The following CUL5 variants were observed in gnomAD, a reference collection of about 807,000 sequenced individuals.
CUL5 encodes the protein cullin 5.
In CUL5, 26 loss-of-function variants were observed where a neutral mutation model predicts 108.8. The observed-to-expected ratio is 0.24, with a 90% CI of 0.18 to 0.33. CUL5 has a LOEUF of 0.33. Ranked by LOEUF, CUL5 falls within the 10% of genes least tolerant of loss-of-function variation. CUL5 has a pLI of 1.00. For missense variants in CUL5, 524 were observed against 909.2 expected, an observed-to-expected ratio of 0.58 and a Z score of 5.45; for synonymous variants, 334 against 298.0, an observed-to-expected ratio of 1.12 and a Z score of -1.25.
At chr11:108,059,279 T>C (rs1214596920) in intron 7 of CUL5, among the ~76,000 whole-genome samples, 1 of 152,218 alleles carries the variant, frequency 6.6e-6, no homozygotes, top group African/African-American at 2.4e-5. Context: ...GTATTTATTA[T>C]ATACCCACAG....
At chr11:108,084,451 C>G (rs1488833407) in intron 11 of CUL5, among the ~76,000 whole-genome samples, 1 of 152,108 alleles carries the variant, frequency 6.6e-6, no homozygotes, top group Non-Finnish European at 1.5e-5. Flanking sequence ...GTAACAAAAC[C>G]CATTGGACAC....
chr11:108,062,788 A>G (rs1863573249), intron 7 of CUL5, among the ~76,000 whole-genome samples: 1 of 152,042 alleles, frequency 6.6e-6, no homozygotes, highest in African/African-American at 2.4e-5. Flanking sequence ...TTTTTACTGT[A>G]GTCACCCTGT....
At chr11:108,082,470 T>C (rs1434609476) in intron 11 of CUL5, among the ~76,000 whole-genome samples, 2 of 152,096 alleles carry the variant, frequency 1.3e-5, no homozygotes, top group East Asian at 3.9e-4. Context: ...AGAGACAGTC[T>C]CTCACTGTGT....
intron 10 of CUL5, among the ~76,000 whole-genome samples, chr11:108,076,081 A>T (rs530876184): frequency 2.4e-4 from 36 of 152,132 alleles, no homozygotes; most frequent in Admixed American, 1.6e-3. Flanking sequence ...CAGGCTGGAG[A>T]GAGTGCAGTG....
chr11:108,033,894 G>A lies in CUL5; in HGVS notation c.117G>A (p.Gln39=). 6.2e-7 allele frequency: 1 copy of A among 1,610,182 alleles called. No homozygotes were observed. Among genetic ancestry groups the A allele is most frequent in the African/African-American group, 1.3e-5 (1 of 74,870 alleles). The change falls in exon 2 of 19, where the codon CAG becomes CAA. Residue 39 remains glutamine (Q), a synonymous_variant. Coordinates refer to ENST00000393094, the MANE Select transcript of CUL5 (RefSeq NM_003478.6). ...GCCAGGAATCTGTTACAAAACAGCA[G>A]TGGTTTGATCTGTTTTCGTAAGTAC... is the stretch of plus-strand genomic sequence containing the variant. ...LLRQESVTKQ[Q]WFDLFSDVHA... is the part of the protein sequence containing the mutation.
intron 7 of CUL5, among the ~76,000 whole-genome samples, chr11:108,068,621 C>T (rs1863748843): frequency 6.6e-6 from 1 of 152,140 alleles, no homozygotes; most frequent in African/African-American, 2.4e-5. Context: ...AATTGCCTCC[C>T]TTAATTTACA....
At chr11:108,089,216 T>G (rs1267309698) in intron 12 of CUL5, among the ~76,000 whole-genome samples, 1 of 151,880 alleles carries the variant, frequency 6.6e-6, no homozygotes, top group East Asian at 1.9e-4. Flanking sequence ...GGGACATTGA[T>G]TTTTTTCATG....
chr11:108,032,838 A>G (rs1309289453), intron 1 of CUL5, among the ~76,000 whole-genome samples: 2 of 151,990 alleles, frequency 1.3e-5, no homozygotes, highest in Non-Finnish European at 2.9e-5. Flanking sequence ...TTATAAAAGG[A>G]GATGAGTATT....
chr11:108,105,091 T>C lies in CUL5; in HGVS notation c.*707T>C, dbSNP rs1198077676. On this transcript the variant is annotated 3_prime_UTR_variant, in exon 19 of 19. Coordinates refer to ENST00000393094, the MANE Select transcript of CUL5 (RefSeq NM_003478.6). Reference sequence around the variant, plus strand: ...GAGTTTTTTTTTTTTTAAATATGGCTGGAAAGCTTGTTTTGAAAAATGAAG... The same window carrying C: ...GAGTTTTTTTTTTTTTAAATATGGCCGGAAAGCTTGTTTTGAAAAATGAAG... 1 of 152,252 alleles carries C rather than the reference T, an allele frequency of 6.6e-6. No homozygotes were observed. Among genetic ancestry groups the C allele is most frequent in the East Asian group, 1.9e-4 (1 of 5,194 alleles). 9.4% of individuals were successfully genotyped at this position (152,252 alleles called of 1,614,324 possible).
chr11:108,067,052 T>C (rs1320510830), intron 7 of CUL5, among the ~76,000 whole-genome samples: 4 of 152,204 alleles, frequency 2.6e-5, no homozygotes, highest in Non-Finnish European at 5.9e-5. Flanking sequence ...TGGAGATACA[T>C]ACCTGGCCTC....
intron 7 of CUL5, 96 bp downstream of exon 7, chr11:108,055,051 C>A: frequency 1.1e-6 from 1 of 896,318 alleles, no homozygotes; most frequent in Non-Finnish European, 1.7e-6. Flanking sequence ...TATTTAACAA[C>A]CAACATTGTT....
chr11:108,028,795 G>T (rs1235857500), intron 1 of CUL5, among the ~76,000 whole-genome samples: 1 of 152,068 alleles, frequency 6.6e-6, no homozygotes, highest in Non-Finnish European at 1.5e-5. Context: ...TTGTACTCCA[G>T]CCTGGGCAGT....
intron 7 of CUL5, among the ~76,000 whole-genome samples, chr11:108,055,504 T>C (rs1454874676): frequency 6.6e-6 from 1 of 152,072 alleles, no homozygotes; most frequent in Non-Finnish European, 1.5e-5. Flanking sequence ...TAGGGTGGAG[T>C]GCAGTGGTGC....
chr11:108,046,042 G>A (rs986504382), intron 2 of CUL5, among the ~76,000 whole-genome samples: 1 of 152,110 alleles, frequency 6.6e-6, no homozygotes, highest in Non-Finnish European at 1.5e-5. Flanking sequence ...ATTTTATGTG[G>A]TAAGTAGCAG....
intron 8 of CUL5, 111 bp from the exon 9 acceptor site, chr11:108,072,221 A>G (rs1051291765): frequency 1.2e-6 from 1 of 856,506 alleles, no homozygotes; most frequent in African/African-American, 1.7e-5. Context: ...AACTACTCCT[A>G]ATGGCATTGT....
intron 2 of CUL5, among the ~76,000 whole-genome samples, chr11:108,045,340 C>G (rs1399752811): frequency 6.6e-6 from 1 of 152,122 alleles, no homozygotes; most frequent in Non-Finnish European, 1.5e-5. Flanking sequence ...GCCCACAATC[C>G]CACCATTTTG....
intron 18 of CUL5, among the ~76,000 whole-genome samples, chr11:108,102,931 G>A (rs1023213301): frequency 6.6e-6 from 1 of 151,450 alleles, no homozygotes; most frequent in South Asian, 2.1e-4. Flanking sequence ...GAATAGCGGG[G>A]ACCACAGACA....
chr11:108,043,680 A>C (rs546847683), intron 2 of CUL5, among the ~76,000 whole-genome samples: 3 of 152,304 alleles, frequency 2.0e-5, no homozygotes, highest in Non-Finnish European at 2.9e-5. Flanking sequence ...CCATCTGTAA[A>C]ATAAGGATAA....
chr11:108,054,925 A>G lies in CUL5; in HGVS notation c.750A>G (p.Glu250=), dbSNP rs1863335351. 1 of 1,608,716 alleles carries G rather than the reference A, an allele frequency of 6.2e-7. No individual in the cohort carries two copies. The highest frequency in any genetic ancestry group is 1.7e-5 in the Admixed American group (1 of 58,468). Residue 250 remains glutamate (E), a synonymous_variant, in exon 7 of 19, where the codon GAA becomes GAG. Transcript: ENST00000393094. ...AAAAACGAGCACTACGTTATTTAGA[A>G]ACAAGACGAGAATGTAACTCCGTTG... ...EEEKRALRYL[E]TRRECNSVEA... is the part of the protein sequence containing the mutation.
Sources: allele counts gnomAD v4.1 joint callset (sites outside exome capture counted in the v4.1 genomes callset), GRCh38; gene constraint gnomAD v4.1.1; transcripts MANE v1.5; gene names NCBI Gene and HGNC (gene_info 2026-07-23, HGNC 2026-07-21).